Variants in ISLR2 observed in about 807,000 individuals in gnomAD.
ISLR2 encodes immunoglobulin superfamily containing leucine rich repeat 2.
ISLR2 carries 16 observed loss-of-function variants against 25.5 expected under a neutral mutation model. The ratio of observed to expected loss-of-function variants is 0.63; its 90% CI spans 0.43 to 0.95. The LOEUF (loss-of-function observed/expected upper bound fraction) is 0.95. Among genes scored for constraint, ISLR2 ranks in the 40% least tolerant of loss-of-function variants. ISLR2 has a pLI of 0.00. For synonymous variants in ISLR2, 508 were observed against 486.6 expected (o/e 1.04, Z -0.58); for missense variants, 883 against 1,030.7 (o/e 0.86, Z 1.96).
chr15:74,102,614 G>A (rs145305755), intron 1 of ISLR2, among the ~76,000 whole-genome samples: 3,198 of 151,768 alleles, frequency 0.021, 167 homozygotes, highest in African/African-American at 0.074. Flanking sequence ...CTGAGGTGGG[G>A]CCTGAGCATT....
intron 2 of ISLR2, among the ~76,000 whole-genome samples, chr15:74,110,711 C>A (rs1402950089): frequency 6.6e-6 from 1 of 150,636 alleles, no homozygotes; most frequent in Non-Finnish European, 1.5e-5. Flanking sequence ...AATCCCAGCA[C>A]TTTAGGATCC....
At position 74,135,303 on chromosome 15, in the gene ISLR2, C is replaced by G. The variant is rs1183282879; in HGVS notation, c.*311C>G. Reference sequence around the variant, plus strand: ...TATCTATGTCCCTCCATTCCCGTCGCGATTATCTGCGAAATCCACCCCGCA... The same window carrying G: ...TATCTATGTCCCTCCATTCCCGTCGGGATTATCTGCGAAATCCACCCCGCA... On this transcript the variant is annotated 3_prime_UTR_variant, in exon 3 of 3. Transcript: ENST00000453268. 6.3e-6 allele frequency: 2 copies of G among 317,600 alleles called. No individual in the cohort carries two copies. Among genetic ancestry groups the G allele is most frequent in the Non-Finnish European group, 1.3e-5 (2 of 159,630 alleles). The allele number at this position is 317,600 out of a possible 1,614,324, so 19.7% of individuals were successfully genotyped here. A position where few individuals can be genotyped will look rare whatever the true frequency, so the allele number is the denominator to read the frequency against.
chr15:74,119,216 CT>C (rs1248088285), intron 2 of ISLR2, among the ~76,000 whole-genome samples: 6 of 150,912 alleles, frequency 4.0e-5, no homozygotes, highest in Admixed American at 2.6e-4. Flanking sequence ...TAGCTGTACT[CT>C]TTTTTTTTCC....
At position 74,119,295 on chromosome 15, in the gene ISLR2, T is replaced by C. The variant is rs116404829; in HGVS notation, n.229-11912T>C. Among the ~76,000 whole-genome samples the C allele has an allele frequency of 7.9e-3, 1,210 of 152,208 alleles. 17 individuals are homozygous for C. The highest frequency in any genetic ancestry group is 0.028 in the African/African-American group (1,149 of 41,512). On this transcript the variant is annotated intron_variant and non_coding_transcript_variant, in intron 2 of 3. Coordinates refer to the ISLR2 transcript ENST00000561975. The stretch of plus-strand genomic sequence containing the variant: ...GTGCAATCACAACTCACTGTACCCT[T>C]GACCTCTTGGGCCCAAGTGATCCTT...
Position 74,133,624 on chromosome 15 carries a change from G to C in ISLR2, c.870G>C (p.Gly290=). Reference sequence around the variant, plus strand: ...TCTTAGAGCCACCGGTTCTGAGCGGGGAGGACGACGGGGTTGGGGCGGAGG... The same window carrying C: ...TCTTAGAGCCACCGGTTCTGAGCGGCGAGGACGACGGGGTTGGGGCGGAGG... ...TVVLEPPVLS[G]EDDGVGAEEG... Residue 290 remains glycine, a synonymous_variant, in exon 3 of 3, where the codon GGG becomes GGC. Coordinates refer to ENST00000453268, the MANE Select transcript of ISLR2 (RefSeq NM_020851.3). The C allele has an allele frequency of 3.7e-6, 6 of 1,613,882 alleles. No homozygotes were observed. Among genetic ancestry groups the C allele is most frequent in the Non-Finnish European group, 5.1e-6 (6 of 1,179,928 alleles).
At chr15:74,118,396 G>T (rs1347248418) in intron 2 of ISLR2, among the ~76,000 whole-genome samples, 1 of 152,144 alleles carries the variant, frequency 6.6e-6, no homozygotes, top group Non-Finnish European at 1.5e-5. Context: ...TGCTAATGAA[G>T]TTTCAGGCAC....
In ISLR2 at chr15:74,134,245, G is replaced by C; in HGVS notation, c.1491G>C (p.Glu497Asp). The C allele has an allele frequency of 1.3e-6, 2 of 1,585,068 alleles. No homozygotes were observed. Among genetic ancestry groups the C allele is most frequent in the Non-Finnish European group, 1.7e-6 (2 of 1,165,880 alleles). The change falls in exon 3 of 3, where the codon GAG becomes GAC. Residue 497 changes from glutamate (E) to aspartate (D), a missense_variant. Around this residue, in one of 2 missense-constraint regions of ISLR2, gnomAD observed 612 missense variants for 642.8 expected, o/e 0.95. Transcript: ENST00000453268. ...TCGCGCTGGATGTGGCGGAGCGCGA[G>C]GCGCGGGTGCAGCTGACTCCGCTGG... is the stretch of plus-strand genomic sequence containing the variant. ...GVIALDVAER[E>D]ARVQLTPLAA...
At chr15:74,120,739 A>G (rs1366111000) in intron 2 of ISLR2, among the ~76,000 whole-genome samples, 1 of 151,978 alleles carries the variant, frequency 6.6e-6, no homozygotes, top group Non-Finnish European at 1.5e-5. Flanking sequence ...TTGTGATCTC[A>G]TATGCAAATG....
Position 74,134,535 on chromosome 15 carries a change from T to G in ISLR2, c.1781T>G (p.Val594Gly). 1 of 1,614,046 alleles carries G rather than the reference T, an allele frequency of 6.2e-7. No individual in the cohort carries two copies. Among genetic ancestry groups the G allele is most frequent in the Non-Finnish European group, 8.5e-7 (1 of 1,180,014 alleles). ...KKELPSLLVI[V>G]AVSVFLLVLA... ...GAGCTCCCATCGCTGCTGGTCATAG[T>G]GGCAGTGAGCGTATTCCTCCTGGTG... The change falls in exon 3 of 3, where the codon GTG (valine) becomes GGG (glycine). Residue 594 changes from valine to glycine, a missense_variant. This residue lies in a region of ISLR2 where 612 missense variants were observed against 642.8 expected (regional missense o/e 0.95). Coordinates refer to ENST00000453268, the MANE Select transcript of ISLR2 (RefSeq NM_020851.3).
chr15:74,114,285 A>G (rs1238326860), intron 2 of ISLR2, among the ~76,000 whole-genome samples: 2 of 152,220 alleles, frequency 1.3e-5, no homozygotes, highest in Admixed American at 1.3e-4. Context: ...CAGGTACTCC[A>G]TCATGGCCAC....
chr15:74,115,353 TC>T (rs945031603), intron 2 of ISLR2, among the ~76,000 whole-genome samples: 5 of 152,062 alleles, frequency 3.3e-5, no homozygotes, highest in African/African-American at 1.2e-4. Context: ...GAAAACAAAA[TC>T]CAGCAGTCAC....
At position 74,108,162 on chromosome 15, in the gene ISLR2, C is replaced by T. The variant is rs373794990; in HGVS notation, n.228+4248C>T. ...GGAGGGTTCTGACCATAACCCAGGA[C>T]GCTAGAGTTAACTGAGGCTGCATCC... On this transcript the variant is annotated intron_variant and non_coding_transcript_variant, in intron 2 of 3. Transcript: ENST00000561975. Among the ~76,000 whole-genome samples the T allele has an allele frequency of 1.6e-4, 25 of 152,246 alleles. No individual in the cohort carries two copies. The East Asian group carries it at 2.7e-3, about 16-fold the overall frequency.
At chr15:74,125,046 C>G (rs1455337073), upstream of ISLR2, among the ~76,000 whole-genome samples, 1 of 152,100 alleles carries the variant, frequency 6.6e-6, no homozygotes, top group Non-Finnish European at 1.5e-5. Flanking sequence ...ACACATCATC[C>G]CCAGCCCCCA....
chr15:74,124,108 C>T (rs762714913), upstream of ISLR2, among the ~76,000 whole-genome samples: 1 of 151,270 alleles, frequency 6.6e-6, no homozygotes, highest in Non-Finnish European at 1.5e-5. Flanking sequence ...ACTGTGATCT[C>T]AGACTGTGGA....
At chr15:74,103,845 G>A (rs1174989283) in intron 1 of ISLR2, 1 of 146,586 alleles carries the variant, frequency 6.8e-6, no homozygotes, top group Non-Finnish European at 1.5e-5. Context: ...TTTTATTACA[G>A]GCTTTCCCCT....
At chr15:74,126,944 G>GTGTC (rs2072306376), upstream of ISLR2, 1 of 138,004 alleles carries the variant, frequency 7.2e-6, no homozygotes, top group African/African-American at 3.0e-5. Flanking sequence ...GTGTGTGTGT[G>GTGTC]TGTGTGTGTC....
chr15:74,120,769 C>T (rs1324478867), intron 2 of ISLR2, among the ~76,000 whole-genome samples: 2 of 152,048 alleles, frequency 1.3e-5, no homozygotes, highest in African/African-American at 2.4e-5. Context: ...ATGCATACTT[C>T]ACAAATTGTG....
chr15:74,132,740 T>G lies in ISLR2; in HGVS notation c.-8-7T>G. 1.2e-6 allele frequency: 2 copies of G among 1,604,652 alleles called. No homozygotes were observed. Among genetic ancestry groups the G allele is most frequent in the Non-Finnish European group, 1.7e-6 (2 of 1,172,566 alleles). The stretch of plus-strand genomic sequence containing the variant: ...TTCTTTCTTCTTCACCTGGCTTCCA[T>G]CTGCAGGAGCCGCGATGTTCCCCCT... On this transcript the variant is annotated splice_region_variant and splice_polypyrimidine_tract_variant and intron_variant, in intron 2 of 2. Transcript: ENST00000453268. The surrounding 1 kb of genome is among the most constrained non-coding windows in gnomAD (Gnocchi z 4.3).
chr15:74,132,741 C>T lies in ISLR2; in HGVS notation c.-8-6C>T, dbSNP rs1430499522. 1 of 1,604,264 alleles carries T rather than the reference C, an allele frequency of 6.2e-7. No individual in the cohort carries two copies. The highest frequency in any genetic ancestry group is 8.5e-7 in the Non-Finnish European group (1 of 1,172,384). On this transcript the variant is annotated splice_region_variant and splice_polypyrimidine_tract_variant and intron_variant, in intron 2 of 2. Coordinates refer to ENST00000453268, the MANE Select transcript of ISLR2 (RefSeq NM_020851.3). This position sits in a 1 kb window ranked among gnomAD's most constrained non-coding sequence, Gnocchi z 4.3. Reference sequence around the variant, plus strand: ...TCTTTCTTCTTCACCTGGCTTCCATCTGCAGGAGCCGCGATGTTCCCCCTT... The same window carrying T: ...TCTTTCTTCTTCACCTGGCTTCCATTTGCAGGAGCCGCGATGTTCCCCCTT...
Sources: allele counts gnomAD v4.1 joint callset (sites outside exome capture counted in the v4.1 genomes callset), GRCh38; gene constraint gnomAD v4.1.1; regional missense constraint gnomAD v4.1.1; non-coding constraint Gnocchi (gnomAD v3.1); transcripts MANE v1.5; gene names NCBI Gene and HGNC (gene_info 2026-07-23, HGNC 2026-07-21).